Variants in PRIM2 observed in about 807,000 individuals in gnomAD.
PRIM2 encodes the protein DNA primase large subunit.
Under a neutral mutation model 67.3 loss-of-function variants are expected in PRIM2, and 39 were observed. The observed-to-expected ratio is 0.58, with a 90% CI of 0.45 to 0.76. PRIM2 has a LOEUF of 0.76. PRIM2 is among the 30% of genes least tolerant of loss of function. The probability of loss-of-function intolerance (pLI) is 0.00; values close to 1 mark genes in which losing one functional copy is unlikely to be tolerated. For synonymous variants in PRIM2, 143 were observed against 198.7 expected, an observed-to-expected ratio of 0.72 and a Z score of 2.36; for missense variants, 398 against 598.7, an observed-to-expected ratio of 0.66 and a Z score of 3.50.
At chr6:57,324,093 A>G in intron 3 of PRIM2, 108 bp from the exon 4 acceptor site, 1 of 633,840 alleles carries the variant, frequency 1.6e-6, no homozygotes, top group Non-Finnish European at 2.8e-6. Context: ...CTAAAAAAAG[A>G]AATGTTTTTG....
intron 5 of PRIM2, among the ~76,000 whole-genome samples, chr6:57,340,955 A>G (rs935477673): frequency 6.6e-6 from 1 of 152,100 alleles, no homozygotes; most frequent in African/African-American, 2.4e-5. Context: ...GTTTAAAATT[A>G]CTCTAGTTGC....
At chr6:57,422,955 T>A (rs1771512975) in intron 7 of PRIM2, among the ~76,000 whole-genome samples, 1 of 152,238 alleles carries the variant, frequency 6.6e-6, no homozygotes, top group South Asian at 2.1e-4. Flanking sequence ...GAAGTTTGAA[T>A]GTCTCAGAAT....
intron 7 of PRIM2, among the ~76,000 whole-genome samples, chr6:57,434,176 C>T (rs1044478398): frequency 2.0e-4 from 30 of 151,992 alleles, no homozygotes; most frequent in African/African-American, 6.3e-4. Context: ...CTACCCGCCT[C>T]GGCCTCCTAA....
At chr6:57,463,483 C>T (rs1773078065) in intron 7 of PRIM2, among the ~76,000 whole-genome samples, 1 of 152,044 alleles carries the variant, frequency 6.6e-6, no homozygotes, top group South Asian at 2.1e-4. Flanking sequence ...CAGAGCGAGC[C>T]CCTATCTCTA....
chr6:57,624,495 A>G (rs1256931996), intron 12 of PRIM2, among the ~76,000 whole-genome samples: 65 of 152,344 alleles, frequency 4.3e-4, no homozygotes, highest in African/African-American at 1.6e-3. Context: ...ATGCTTTTAT[A>G]AAAATATATT....
intron 10 of PRIM2, among the ~76,000 whole-genome samples, chr6:57,558,029 G>A (rs1364745705): frequency 1.3e-5 from 2 of 152,244 alleles, no homozygotes; most frequent in East Asian, 1.9e-4. Flanking sequence ...GCACTGTGGT[G>A]TGGCGGGGAG....
At chr6:57,302,740 T>C in the PRIM2 span, among the ~76,000 whole-genome samples, 12 of 152,298 alleles carry the variant, frequency 7.9e-5, no homozygotes, top group East Asian at 2.1e-3. Flanking sequence ...CCTAAGCCAG[T>C]GCATTCTGGA....
chr6:57,603,552 G>A (rs1157488566), intron 11 of PRIM2, among the ~76,000 whole-genome samples: 1 of 151,852 alleles, frequency 6.6e-6, no homozygotes, highest in Non-Finnish European at 1.5e-5. Flanking sequence ...GTCGGTTTTT[G>A]TACCAGTACC....
chr6:57,270,799 C>T, the PRIM2 span, among the ~76,000 whole-genome samples: 1 of 152,064 alleles, frequency 6.6e-6, no homozygotes, highest in East Asian at 1.9e-4. Flanking sequence ...TGAGATATGT[C>T]CCATCAATAC....
At chr6:57,593,410 C>T (rs1776316203) in intron 10 of PRIM2, among the ~76,000 whole-genome samples, 1 of 151,924 alleles carries the variant, frequency 6.6e-6, no homozygotes, top group Non-Finnish European at 1.5e-5. Context: ...TCAAGTGACT[C>T]TCTTGCCTTA....
At chr6:57,340,992 T>G (rs1768462214) in intron 5 of PRIM2, among the ~76,000 whole-genome samples, 4 of 152,252 alleles carry the variant, frequency 2.6e-5, no homozygotes, top group African/African-American at 9.6e-5. Flanking sequence ...ATATTTTATT[T>G]ATTTATAAAT....
the PRIM2 span, among the ~76,000 whole-genome samples, chr6:57,264,438 G>C: frequency 6.6e-6 from 1 of 151,834 alleles, no homozygotes; most frequent in Non-Finnish European, 1.5e-5. Context: ...TGTTCCTGGA[G>C]TGCTCGTCAT....
intron 12 of PRIM2, among the ~76,000 whole-genome samples, chr6:57,630,619 A>G (rs1777023761): frequency 6.6e-6 from 1 of 151,684 alleles, no homozygotes; most frequent in African/African-American, 2.4e-5. Flanking sequence ...TACTTTTTAT[A>G]TGGTTGAGCT....
chr6:57,440,798 G>C (rs1432748677), intron 7 of PRIM2, among the ~76,000 whole-genome samples: 1 of 152,212 alleles, frequency 6.6e-6, no homozygotes, highest in Non-Finnish European at 1.5e-5. Context: ...TCTCTGTGAA[G>C]CTGTCTCTGT....
At chr6:57,479,909 T>C (rs1290902512) in intron 7 of PRIM2, among the ~76,000 whole-genome samples, 17 of 152,162 alleles carry the variant, frequency 1.1e-4, no homozygotes, top group Non-Finnish European at 5.9e-5. Context: ...TCAGGCAGAA[T>C]ACGATAATTT....
chr6:57,539,057 G>T (rs1463258233), intron 10 of PRIM2, among the ~76,000 whole-genome samples: 2 of 152,232 alleles, frequency 1.3e-5, no homozygotes, highest in East Asian at 3.9e-4. Context: ...ATAAAAAGCT[G>T]TTATAGTTTT....
intron 5 of PRIM2, among the ~76,000 whole-genome samples, chr6:57,351,241 A>C (rs1265311209): frequency 4.6e-5 from 7 of 151,944 alleles, no homozygotes; most frequent in Non-Finnish European, 8.8e-5. Flanking sequence ...TGAGCATCTG[A>C]AAATCTGAAA....
upstream of PRIM2, chr6:57,314,739 C>T (rs1294487481): frequency 6.6e-6 from 1 of 152,130 alleles, no homozygotes; most frequent in South Asian, 2.1e-4. Context: ...ATCTTGGTTG[C>T]CAGGGCTGAG....
At chr6:57,338,408 A>C (rs1209513090) in intron 5 of PRIM2, among the ~76,000 whole-genome samples, 2 of 151,986 alleles carry the variant, frequency 1.3e-5, no homozygotes, top group African/African-American at 4.8e-5. Flanking sequence ...ACAACCAAAA[A>C]AGAGAATTTG....
Sources: allele counts gnomAD v4.1 joint callset (sites outside exome capture counted in the v4.1 genomes callset), GRCh38; gene constraint gnomAD v4.1.1; transcripts MANE v1.5; gene names NCBI Gene and HGNC (gene_info 2026-07-23, HGNC 2026-07-21).